DCC: variants seen among roughly 807,000 people sequenced by gnomAD.
The protein encoded by DCC is netrin receptor DCC.
In DCC, 58 loss-of-function variants were observed where a neutral mutation model predicts 172.5. That is an observed-to-expected ratio of 0.34 (90% CI 0.27 to 0.42). The LOEUF is 0.42. Among genes scored for constraint, DCC ranks in the 10% least tolerant of loss-of-function variants. The probability of loss-of-function intolerance (pLI) is 1.00; values close to 1 mark genes in which losing one functional copy is unlikely to be tolerated. For missense variants in DCC, 1,740 were observed against 1,791.0 expected (o/e 0.97, Z 0.51); for synonymous variants, 709 against 644.5 (o/e 1.10, Z -1.52).
At chr18:53,052,362 A>G (rs996801802) in intron 5 of DCC, among the ~76,000 whole-genome samples, 1 of 151,988 alleles carries the variant, frequency 6.6e-6, no homozygotes, top group Non-Finnish European at 1.5e-5. Flanking sequence ...TTTGTTTCTT[A>G]AATTAAATCT....
chr18:52,847,629 A>G (rs1003801821), intron 2 of DCC, among the ~76,000 whole-genome samples: 5 of 152,182 alleles, frequency 3.3e-5, no homozygotes, highest in African/African-American at 1.2e-4. Context: ...TCCCTCCAAG[A>G]CACATACTCC....
At chr18:52,597,290 C>A (rs1028138868) in intron 1 of DCC, among the ~76,000 whole-genome samples, 1 of 152,186 alleles carries the variant, frequency 6.6e-6, no homozygotes, top group African/African-American at 2.4e-5. Context: ...TCTGCTCCAG[C>A]TGGGGCTATT....
intron 1 of DCC, among the ~76,000 whole-genome samples, chr18:52,734,363 T>G (rs750187231): frequency 1.9e-4 from 29 of 152,158 alleles, no homozygotes; most frequent in Non-Finnish European, 3.8e-4. Context: ...CACAATGTCA[T>G]AATTAGCCTG....
chr18:52,871,133 AGT>A (rs1462863635), intron 2 of DCC, among the ~76,000 whole-genome samples: 1 of 152,172 alleles, frequency 6.6e-6, no homozygotes, highest in Non-Finnish European at 1.5e-5. Flanking sequence ...CAGGACAAAA[AGT>A]GTGCTGCTTA....
At chr18:52,764,839 T>C (rs145991718) in intron 2 of DCC, among the ~76,000 whole-genome samples, 190 of 152,270 alleles carry the variant, frequency 1.2e-3, no homozygotes, top group Non-Finnish European at 2.3e-3. Context: ...CTAGTAGATA[T>C]CACTCCATGA....
At chr18:53,309,962 G>GTATCTATATA (rs5825007) in intron 13 of DCC, among the ~76,000 whole-genome samples, 1 of 133,308 alleles carries the variant, frequency 7.5e-6, no homozygotes, top group African/African-American at 2.9e-5. Flanking sequence ...ATATACGTGT[G>GTATCTATATA]TGTATATATA....
Position 52,970,531 on chromosome 18 carries a change from A to T in DCC, c.985+45161A>T, listed in dbSNP as rs1044036517. Among the ~76,000 whole-genome samples, 10 of 152,278 alleles carry T rather than the reference A, an allele frequency of 6.6e-5. No individual in the cohort carries two copies. The East Asian group carries it at 1.9e-3, about 29-fold the overall frequency. On this transcript the variant is annotated intron_variant, in intron 5 of 28. Coordinates refer to ENST00000442544, the MANE Select transcript of DCC (RefSeq NM_005215.4). ...GTAATGGAGATTTTTCTAAGTGTAAACCTAAAGACATATTGTTTAGAATAT... is the reference window on the plus strand; with the variant it reads ...GTAATGGAGATTTTTCTAAGTGTAATCCTAAAGACATATTGTTTAGAATAT...
intron 1 of DCC, among the ~76,000 whole-genome samples, chr18:52,456,117 G>A (rs991094914): frequency 6.6e-6 from 1 of 152,086 alleles, no homozygotes; most frequent in Admixed American, 6.6e-5. Flanking sequence ...GTCCTCTGTT[G>A]AAAACAGATT....
At chr18:53,428,769 A>G (rs1365812213) in intron 21 of DCC, among the ~76,000 whole-genome samples, 1 of 55,786 alleles carries the variant, frequency 1.8e-5, no homozygotes, top group Non-Finnish European at 3.5e-5. Flanking sequence ...TAAATTATAT[A>G]TTATATATTT....
At chr18:53,097,008 CAA>C (rs1299131210) in intron 7 of DCC, among the ~76,000 whole-genome samples, 2 of 151,786 alleles carry the variant, frequency 1.3e-5, no homozygotes, top group Non-Finnish European at 2.9e-5. Flanking sequence ...AAAGATGAAA[CAA>C]AAAGTGGAGG....
chr18:53,357,300 TC>T (rs1259853160), intron 15 of DCC, among the ~76,000 whole-genome samples: 1 of 152,162 alleles, frequency 6.6e-6, no homozygotes, highest in Non-Finnish European at 1.5e-5. Context: ...TAGAAATAGG[TC>T]TTTTATCCTG....
At chr18:52,731,363 A>C (rs539055510) in intron 1 of DCC, among the ~76,000 whole-genome samples, 2 of 152,318 alleles carry the variant, frequency 1.3e-5, no homozygotes, top group Admixed American at 6.5e-5. Context: ...AGGCTTCAAA[A>C]TGAAAGGAAA....
chr18:52,716,662 G>A (rs944108824), intron 1 of DCC, among the ~76,000 whole-genome samples: 1 of 152,298 alleles, frequency 6.6e-6, no homozygotes, highest in Non-Finnish European at 1.5e-5. Flanking sequence ...GAGGGATGAA[G>A]ATAGGATTTT....
chr18:52,871,224 A>G (rs1395159459), intron 2 of DCC, among the ~76,000 whole-genome samples: 1 of 152,150 alleles, frequency 6.6e-6, no homozygotes, highest in Non-Finnish European at 1.5e-5. Flanking sequence ...TTCAGGCCCA[A>G]TCCCAACCCC....
intron 26 of DCC, among the ~76,000 whole-genome samples, chr18:53,489,713 A>G (rs1017315578): frequency 3.9e-5 from 6 of 152,236 alleles, no homozygotes; most frequent in African/African-American, 7.2e-5. Flanking sequence ...AGGCACAAAT[A>G]AAGCTGAATT....
intron 12 of DCC, among the ~76,000 whole-genome samples, chr18:53,294,813 G>A (rs1469851888): frequency 2.0e-5 from 3 of 152,202 alleles, no homozygotes; most frequent in African/African-American, 7.2e-5. Context: ...TTCTCCCAGA[G>A]TAGGTAAAGG....
At chr18:53,196,110 A>G (rs1453294563) in intron 9 of DCC, among the ~76,000 whole-genome samples, 12 of 152,204 alleles carry the variant, frequency 7.9e-5, no homozygotes, top group Admixed American at 7.9e-4. Flanking sequence ...TTAGGTGTAT[A>G]TGACATCAAG....
At chr18:53,108,427 G>A (rs1267747040) in intron 7 of DCC, among the ~76,000 whole-genome samples, 2 of 151,740 alleles carry the variant, frequency 1.3e-5, no homozygotes, top group Admixed American at 1.3e-4. Flanking sequence ...TTTGTGAAAG[G>A]ATTAGTTATA....
chr18:53,517,443 TATAATAATAATAATA>T (rs71179517), intron 27 of DCC, among the ~76,000 whole-genome samples: 17 of 142,502 alleles, frequency 1.2e-4, no homozygotes, highest in East Asian at 4.0e-4. Context: ...AAACTTAAAA[TATAATAATAATAATA>T]ATAATAATAA....
Sources: gnomAD v4.1 joint callset for allele counts (sites outside exome capture counted in the v4.1 genomes callset) on GRCh38, gnomAD v4.1.1 for gene constraint, MANE v1.5 for transcripts, NCBI Gene and HGNC (gene_info 2026-07-23, HGNC 2026-07-21) for gene names.